FAM177A1: variants seen among roughly 807,000 people sequenced by gnomAD.
FAM177A1 encodes family with sequence similarity 177 member A1, also known as protein FAM177A1.
Under a neutral mutation model 26.1 loss-of-function variants are expected in FAM177A1, and 22 were observed. The ratio of observed to expected loss-of-function variants is 0.84; its 90% CI spans 0.60 to 1.20. The LOEUF is 1.20. Among genes scored for constraint, FAM177A1 ranks in the 50% most tolerant of loss-of-function variants. The probability of loss-of-function intolerance (pLI) is 0.00; values close to 1 mark genes in which losing one functional copy is unlikely to be tolerated. For missense variants in FAM177A1, 296 were observed against 291.1 expected (o/e 1.02, Z -0.12); for synonymous variants, 95 against 99.3 (o/e 0.96, Z 0.26).
chr14:35,051,063 T>C (rs539011038), intron 1 of FAM177A1, among the ~76,000 whole-genome samples: 1 of 152,330 alleles, frequency 6.6e-6, no homozygotes, highest in African/African-American at 2.4e-5. Context: ...ATTGTGACTT[T>C]TTTTCATGTT....
chr14:35,061,678 G>C (rs2045160252), intron 2 of FAM177A1, among the ~76,000 whole-genome samples: 1 of 150,250 alleles, frequency 6.7e-6, no homozygotes, highest in African/African-American at 2.4e-5. Flanking sequence ...ACAAGTTAAT[G>C]GGTGCAGCAC....
chr14:35,060,147 G>A (rs934742640), intron 2 of FAM177A1, among the ~76,000 whole-genome samples: 1 of 150,652 alleles, frequency 6.6e-6, no homozygotes, highest in Non-Finnish European at 1.5e-5. Flanking sequence ...GCTAATTACT[G>A]TATTTTTGGT....
At chr14:35,068,753 TAAAG>T (rs2045275150) in intron 2 of FAM177A1, among the ~76,000 whole-genome samples, 1 of 152,210 alleles carries the variant, frequency 6.6e-6, no homozygotes, top group African/African-American at 2.4e-5. Flanking sequence ...GGGTAATTAA[TAAAG>T]AACAGAACTT....
intron 2 of FAM177A1, among the ~76,000 whole-genome samples, chr14:35,054,462 G>C (rs533826449): frequency 4.5e-4 from 68 of 152,072 alleles, no homozygotes; most frequent in Non-Finnish European, 6.6e-4. Flanking sequence ...TTTCTAACAG[G>C]TACTATTTTA....
chr14:35,053,750 G>A (rs1280243166), intron 2 of FAM177A1, among the ~76,000 whole-genome samples: 6 of 152,144 alleles, frequency 3.9e-5, no homozygotes, highest in African/African-American at 1.4e-4. Context: ...CCAGCACTTT[G>A]GGAAGCTGAG....
intron 2 of FAM177A1, among the ~76,000 whole-genome samples, chr14:35,065,357 C>CTTTTTTTT (rs1181451849): frequency 1.1e-5 from 1 of 91,882 alleles, no homozygotes; most frequent in East Asian, 3.4e-4. Flanking sequence ...TCCATTGAAT[C>CTTTTTTTT]TTTTTTTTTT....
Position 35,081,831 on chromosome 14 carries a change from C to A in FAM177A1, c.*603C>A, listed in dbSNP as rs2045488912. The A allele has an allele frequency of 6.6e-6, 1 of 152,202 alleles. No individual in the cohort carries two copies. The highest frequency in any genetic ancestry group is 1.5e-5 in the Non-Finnish European group (1 of 68,068). The allele number at this position is 152,202 out of a possible 1,614,324, so 9.4% of individuals were successfully genotyped here. A position where few individuals can be genotyped will look rare whatever the true frequency, so the allele number is the denominator to read the frequency against. ...TCCATTTTTTAATGCAAGCCACTTACTTAATCTTGTATTCTTTTTCAGGAC... is the reference window on the plus strand; with the variant it reads ...TCCATTTTTTAATGCAAGCCACTTAATTAATCTTGTATTCTTTTTCAGGAC... On this transcript the variant is annotated 3_prime_UTR_variant, in exon 5 of 5. Coordinates refer to ENST00000280987, the MANE Select transcript of FAM177A1 (RefSeq NM_173607.5).
chr14:35,055,537 G>A (rs1427680178), intron 2 of FAM177A1, among the ~76,000 whole-genome samples: 6 of 150,852 alleles, frequency 4.0e-5, no homozygotes, highest in African/African-American at 7.3e-5. Context: ...GGGTTTAAGC[G>A]ATTCTCGTGC....
intron 4 of FAM177A1, among the ~76,000 whole-genome samples, chr14:35,079,548 A>C (rs2045447717): frequency 6.6e-6 from 1 of 152,328 alleles, no homozygotes; most frequent in East Asian, 1.9e-4. Flanking sequence ...GCATGGGCTC[A>C]AGAACCAAAG....
intron 2 of FAM177A1, among the ~76,000 whole-genome samples, chr14:35,072,006 G>C (rs2045329116): frequency 1.3e-5 from 2 of 152,200 alleles, no homozygotes; most frequent in African/African-American, 4.8e-5. Flanking sequence ...GCTAGGCGTG[G>C]TGGCTCATGC....
chr14:35,049,035 C>T (rs1032286477), intron 1 of FAM177A1, among the ~76,000 whole-genome samples: 2 of 152,062 alleles, frequency 1.3e-5, no homozygotes, highest in Admixed American at 1.3e-4. Context: ...GGACTACAGG[C>T]GCACGCAACC....
intron 1 of FAM177A1, 160 bp downstream of exon 1, chr14:35,046,788 T>C (rs772964230): frequency 1.4e-6 from 2 of 1,380,952 alleles, no homozygotes; most frequent in Non-Finnish European, 1.9e-6. Context: ...TGAGACCAGC[T>C]TGTGGGAAGG....
At chr14:35,047,305 G>C (rs187184550) in intron 1 of FAM177A1, among the ~76,000 whole-genome samples, 45 of 152,296 alleles carry the variant, frequency 3.0e-4, no homozygotes, top group Admixed American at 2.5e-3. Flanking sequence ...TATTAATGAA[G>C]TATTTGCATT....
intron 2 of FAM177A1, among the ~76,000 whole-genome samples, chr14:35,063,462 C>T (rs1333334852): frequency 2.0e-5 from 3 of 151,920 alleles, no homozygotes; most frequent in Non-Finnish European, 4.4e-5. Context: ...CCTGTAATCC[C>T]AGCCGCTTGG....
At chr14:35,079,135 C>A in intron 4 of FAM177A1, 111 bp downstream of exon 4, 1 of 681,378 alleles carries the variant, frequency 1.5e-6, no homozygotes, top group South Asian at 2.0e-5. Flanking sequence ...CTCTCTTATG[C>A]TAGGCATTTC....
intron 4 of FAM177A1, among the ~76,000 whole-genome samples, chr14:35,079,347 A>G (rs1027082781): frequency 1.3e-5 from 2 of 152,214 alleles, no homozygotes; most frequent in Admixed American, 1.3e-4. Flanking sequence ...GAAACAAGAT[A>G]CTTAGAGCAC....
At position 35,081,322 on chromosome 14, in the gene FAM177A1, T is replaced by C. The variant is rs184025379; in HGVS notation, c.*94T>C. The C allele has an allele frequency of 4.2e-4, 486 of 1,150,322 alleles. 2 individuals are homozygous for C. The East Asian group carries it at 0.011, about 25-fold the overall frequency. 71.3% of individuals were successfully genotyped at this position (1,150,322 alleles called of 1,614,324 possible). ...TATTCAGTGGGACTTAATACAATTA[T>C]TTATATTTTAAATTATTAAAGTATC... On this transcript the variant is annotated 3_prime_UTR_variant, in exon 5 of 5. Coordinates refer to ENST00000280987, the MANE Select transcript of FAM177A1 (RefSeq NM_173607.5).
At chr14:35,069,884 G>A (rs569042075) in intron 2 of FAM177A1, among the ~76,000 whole-genome samples, 38 of 151,658 alleles carry the variant, frequency 2.5e-4, no homozygotes, top group Non-Finnish European at 4.9e-4. Flanking sequence ...TGGGGAGGCC[G>A]AGGCGGATAG....
intron 1 of FAM177A1, chr14:35,049,912 A>G (rs1272657698): frequency 1.3e-5 from 2 of 152,216 alleles, no homozygotes; most frequent in Non-Finnish European, 2.9e-5. Context: ...ACTATCTTTC[A>G]GATCTTTGGG....
Sources: gnomAD v4.1 joint callset for allele counts (sites outside exome capture counted in the v4.1 genomes callset) on GRCh38, gnomAD v4.1.1 for gene constraint, MANE v1.5 for transcripts, NCBI Gene and HGNC (gene_info 2026-07-23, HGNC 2026-07-21) for gene names.